ANKS1B: variants seen among roughly 807,000 people sequenced by gnomAD.
ANKS1B encodes the protein ankyrin repeat and sterile alpha motif domain-containing protein 1B.
In ANKS1B, 36 loss-of-function variants were observed where a neutral mutation model predicts 148.3. The observed-to-expected ratio is 0.24, with a 90% CI of 0.19 to 0.32. The LOEUF is 0.32. ANKS1B is among the 10% of genes least tolerant of loss of function. The pLI is 1.00. For missense variants in ANKS1B, 1,157 were observed against 1,542.6 expected, an observed-to-expected ratio of 0.75 and a Z score of 4.19; for synonymous variants, 542 against 560.8, an observed-to-expected ratio of 0.97 and a Z score of 0.47.
intron 9 of ANKS1B, among the ~76,000 whole-genome samples, chr12:98,738,593 T>C (rs1011538459): frequency 6.6e-5 from 10 of 152,188 alleles, no homozygotes; most frequent in South Asian, 2.1e-4. Flanking sequence ...AGTTTTTAGA[T>C]AGAGGAAGAA....
Position 99,246,500 on chromosome 12 carries a change from C to T in ANKS1B, c.2121G>A (p.Gly707=), listed in dbSNP as rs2153969744. 4 of 1,613,890 alleles carry T rather than the reference C, an allele frequency of 2.5e-6. No individual in the cohort carries two copies. The highest frequency in any genetic ancestry group is 2.2e-5 in the East Asian group (1 of 44,862). Residue 707 remains glycine (G), a synonymous_variant, in exon 13 of 27, where the codon GGG becomes GGA. Coordinates refer to ENST00000683438, the MANE Select transcript of ANKS1B (RefSeq NM_001352186.2). ...RNGDQWVMNA[G]GFVERACTLG... ...GAGTACAGGCTCTCTCCACAAATCCCCCTGCGTTCATAACCCACTGGTCCC... is the reference window on the plus strand; with the variant it reads ...GAGTACAGGCTCTCTCCACAAATCCTCCTGCGTTCATAACCCACTGGTCCC...
At chr12:99,012,181 A>G (rs1302806071) in intron 17 of ANKS1B, among the ~76,000 whole-genome samples, 1 of 152,218 alleles carries the variant, frequency 6.6e-6, no homozygotes, top group East Asian at 1.9e-4. Flanking sequence ...GTTCTCTAAT[A>G]AAATCTTGTG....
intron 12 of ANKS1B, among the ~76,000 whole-genome samples, chr12:99,256,964 G>A (rs1391241532): frequency 6.6e-6 from 1 of 152,042 alleles, no homozygotes; most frequent in South Asian, 2.1e-4. Context: ...ATTTCATCCC[G>A]GCCGGGTGCA....
chr12:99,092,259 G>A (rs964512117), intron 15 of ANKS1B, among the ~76,000 whole-genome samples: 3 of 152,112 alleles, frequency 2.0e-5, no homozygotes, highest in African/African-American at 7.2e-5. Context: ...GATATTAAAT[G>A]CTTTAAATGG....
chr12:98,990,703 C>CT (rs1297994472), intron 17 of ANKS1B, among the ~76,000 whole-genome samples: 1 of 152,152 alleles, frequency 6.6e-6, no homozygotes, highest in African/African-American at 2.4e-5. Context: ...TAGGATAGCT[C>CT]TTTTTAAGTC....
chr12:99,468,418 C>G (rs573153387), intron 10 of ANKS1B, among the ~76,000 whole-genome samples: 3 of 152,112 alleles, frequency 2.0e-5, no homozygotes, highest in Non-Finnish European at 4.4e-5. Context: ...GCAATGGCAA[C>G]GAAAGCCAAA....
At chr12:99,073,665 G>T (rs1044928660) in intron 16 of ANKS1B, among the ~76,000 whole-genome samples, 4 of 152,140 alleles carry the variant, frequency 2.6e-5, no homozygotes, top group African/African-American at 9.7e-5. Context: ...CTTGAGAAGG[G>T]AGTTCAGTGG....
chr12:99,761,049 T>C (rs1019007827), intron 8 of ANKS1B, among the ~76,000 whole-genome samples: 1 of 18,122 alleles, frequency 5.5e-5, no homozygotes, highest in Non-Finnish European at 1.2e-4. Flanking sequence ...GAATCAGTAA[T>C]AAAAAGCCTA....
intron 25 of ANKS1B, among the ~76,000 whole-genome samples, chr12:98,768,607 G>A (rs1357096611): frequency 6.6e-6 from 1 of 151,548 alleles, no homozygotes; most frequent in Non-Finnish European, 1.5e-5. Context: ...GCTGGCGGGT[G>A]CCTGTAGTCC....
At chr12:98,975,841 G>A (rs1255965836) in intron 17 of ANKS1B, among the ~76,000 whole-genome samples, 1 of 152,146 alleles carries the variant, frequency 6.6e-6, no homozygotes, top group Non-Finnish European at 1.5e-5. Context: ...GGCCAGTGTG[G>A]TTGGGCAGAG....
intron 17 of ANKS1B, among the ~76,000 whole-genome samples, chr12:98,999,589 C>T (rs1343124229): frequency 2.0e-5 from 3 of 152,160 alleles, no homozygotes; most frequent in Non-Finnish European, 2.9e-5. Context: ...CAAAGGTTAA[C>T]TCTTTATATC....
At chr12:99,849,586 A>G (rs1193605193) in intron 1 of ANKS1B, among the ~76,000 whole-genome samples, 2 of 152,178 alleles carry the variant, frequency 1.3e-5, no homozygotes, top group African/African-American at 4.8e-5. Flanking sequence ...CACTGTTCAT[A>G]ATAGTGCAAA....
chr12:98,775,458 CTCTT>C (rs1308443519), intron 24 of ANKS1B, among the ~76,000 whole-genome samples: 2 of 151,878 alleles, frequency 1.3e-5, no homozygotes, highest in East Asian at 1.9e-4. Context: ...CTCTCTCTCT[CTCTT>C]TTTTTTGAGA....
chr12:99,354,577 C>A (rs375601919), intron 12 of ANKS1B, among the ~76,000 whole-genome samples: 1 of 151,804 alleles, frequency 6.6e-6, no homozygotes, highest in African/African-American at 2.4e-5. Context: ...GATGAATACC[C>A]AAAAGAAATG....
chr12:99,964,056 C>CA (rs2095453418), intron 1 of ANKS1B, among the ~76,000 whole-genome samples: 3 of 151,902 alleles, frequency 2.0e-5, no homozygotes, highest in Admixed American at 6.6e-5. Flanking sequence ...AGCTAAACAG[C>CA]AAAAAAATAT....
chr12:99,828,381 C>A lies in ANKS1B; in HGVS notation c.135-2992G>T, dbSNP rs75739615. On this transcript the variant is annotated intron_variant, in intron 1 of 26. Transcript: ENST00000683438. ...CAAGCAGACACAAGCCAATCCAGCA[C>A]ACCATTCAAAGGCCTACAACCAACA... Among the ~76,000 whole-genome samples the A allele has an allele frequency of 1.7e-3, 254 of 152,252 alleles. 7 individuals carry two copies. The East Asian group carries it at 0.041, about 25-fold the overall frequency.
chr12:99,571,156 C>A (rs750878571), intron 9 of ANKS1B, among the ~76,000 whole-genome samples: 8 of 151,960 alleles, frequency 5.3e-5, no homozygotes, highest in Non-Finnish European at 1.0e-4. Flanking sequence ...TTTAAAAGCT[C>A]AATTTTCTAG....
At chr12:99,006,561 G>A (rs1023851843) in intron 17 of ANKS1B, among the ~76,000 whole-genome samples, 2 of 152,154 alleles carry the variant, frequency 1.3e-5, no homozygotes, top group African/African-American at 4.8e-5. Context: ...AGTCCTATTC[G>A]ACAGGCCAGG....
chr12:99,967,554 G>A (rs897658202), intron 1 of ANKS1B, among the ~76,000 whole-genome samples: 2 of 152,048 alleles, frequency 1.3e-5, no homozygotes, highest in Admixed American at 6.5e-5. Context: ...AAGTCACAGG[G>A]ATTACAGGTA....
Sources: gnomAD v4.1 joint callset for allele counts (sites outside exome capture counted in the v4.1 genomes callset) on GRCh38, gnomAD v4.1.1 for gene constraint, MANE v1.5 for transcripts, NCBI Gene and HGNC (gene_info 2026-07-23, HGNC 2026-07-21) for gene names.